Variants in TMED8 observed in about 807,000 individuals in gnomAD.
TMED8 encodes the protein transmembrane p24 trafficking protein family member 8, also known as protein TMED8.
Under a neutral mutation model 32.7 loss-of-function variants are expected in TMED8, and 15 were observed. The observed-to-expected ratio is 0.46, with a 90% confidence interval of 0.31 to 0.71. The LOEUF (loss-of-function observed/expected upper bound fraction) is 0.71. Ranked by LOEUF, TMED8 falls within the 30% of genes least tolerant of loss-of-function variation. The probability of loss-of-function intolerance (pLI) is 0.06; values close to 1 mark genes in which losing one functional copy is unlikely to be tolerated. For synonymous variants in TMED8, 147 were observed against 161.4 expected (o/e 0.91, Z 0.68); for missense variants, 390 against 423.9 (o/e 0.92, Z 0.70).
At chr14:77,367,271 T>C (rs1182730477) in intron 1 of TMED8, among the ~76,000 whole-genome samples, 1 of 150,690 alleles carries the variant, frequency 6.6e-6, no homozygotes, top group Non-Finnish European at 1.5e-5. Context: ...AAAAAAACTT[T>C]TTAAATCTTT....
chr14:77,351,593 A>T, intron 2 of TMED8, 80 bp downstream of exon 2: 2 of 1,337,754 alleles, frequency 1.5e-6, no homozygotes, highest in Non-Finnish European at 2.1e-6. Context: ...CTCCCCGCTT[A>T]AAGTCACTAC....
chr14:77,343,141 G>C, intron 5 of TMED8, 37 bp downstream of exon 5: 1 of 1,593,154 alleles, frequency 6.3e-7, no homozygotes, highest in Non-Finnish European at 8.5e-7. Flanking sequence ...ATCAGATTAA[G>C]CCAGAAAACT....
chr14:77,372,907 TATA>T (rs1490456686), intron 1 of TMED8, among the ~76,000 whole-genome samples: 1,205 of 41,736 alleles, frequency 0.029, 80 homozygotes, highest in East Asian at 0.048. Flanking sequence ...CCACAGATAT[TATA>T]TATATATATA....
intron 1 of TMED8, among the ~76,000 whole-genome samples, chr14:77,374,814 A>C (rs549141879): frequency 6.6e-6 from 1 of 152,362 alleles, no homozygotes; most frequent in African/African-American, 2.4e-5. Context: ...AATGTTTTGA[A>C]TTGTTAATTG....
rs1892808509 is a variant in TMED8, at chr14:77,338,107, C to T, written c.*3664G>A. On this transcript the variant is annotated 3_prime_UTR_variant, in exon 6 of 6. Coordinates refer to ENST00000216468, the MANE Select transcript of TMED8 (RefSeq NM_213601.3). ...TTGGAATTTAAATACAACTGACCAG[C>T]ATTAACATTAAAACAGAGATCTTAA... is the stretch of plus-strand genomic sequence containing the variant. 1 of 152,066 alleles carries T rather than the reference C, an allele frequency of 6.6e-6. No homozygotes were observed. The highest frequency in any genetic ancestry group is 2.4e-5 in the African/African-American group (1 of 41,384). 9.4% of individuals were successfully genotyped at this position (152,066 alleles called of 1,614,324 possible).
intron 3 of TMED8, among the ~76,000 whole-genome samples, chr14:77,344,785 G>A (rs113526393): frequency 2.1e-4 from 32 of 152,298 alleles, no homozygotes; most frequent in African/African-American, 7.7e-4. Context: ...CTCCCAGGCT[G>A]TATTCTCATA....
intron 2 of TMED8, among the ~76,000 whole-genome samples, chr14:77,350,262 A>G (rs1464742959): frequency 1.3e-5 from 2 of 152,170 alleles, no homozygotes; most frequent in Non-Finnish European, 2.9e-5. Context: ...GTTGACGGCA[A>G]CTTAAGAGTC....
chr14:77,344,448 G>A (rs1487338057), intron 3 of TMED8, among the ~76,000 whole-genome samples: 1 of 152,172 alleles, frequency 6.6e-6, no homozygotes, highest in East Asian at 1.9e-4. Flanking sequence ...ACCAGCCCCA[G>A]GACTTGCATT....
chr14:77,348,246 CG>C (rs1893094903), intron 2 of TMED8, among the ~76,000 whole-genome samples: 2 of 144,676 alleles, frequency 1.4e-5, no homozygotes, highest in Admixed American at 1.4e-4. Flanking sequence ...TTTTTTGAGA[CG>C]GAGTCTCACT....
Position 77,343,811 on chromosome 14 carries a change from G to T in TMED8, c.340C>A (p.Gln114Lys). Residue 114 changes from glutamine to lysine, a missense_variant, in exon 4 of 6, where the codon CAA becomes AAA. Transcript: ENST00000216468. ...AQVLNEMAKY[Q>K]VPQRSGDIVM... ...ATGTCCCCAGACCTCTGTGGAACTT[G>T]ATACTTAGCCATCTGCACAACAGAA... 1.9e-6 allele frequency: 3 copies of T among 1,613,520 alleles called. No homozygotes were observed. In the South Asian group the frequency reaches 3.3e-5, roughly 18 times the overall value.
In TMED8 at chr14:77,377,055, T is replaced by C. The variant is rs1345721049; in HGVS notation, c.-2A>G. 2.2e-6 allele frequency: 3 copies of C among 1,363,144 alleles called. No homozygotes were observed. Among genetic ancestry groups the C allele is most frequent in the Non-Finnish European group, 9.4e-7 (1 of 1,063,398 alleles). 84.4% of individuals were successfully genotyped at this position (1,363,144 alleles called of 1,614,324 possible). On this transcript the variant is annotated 5_prime_UTR_variant, in exon 1 of 6. Transcript: ENST00000216468. ...CTCAGCCGCCTGCAGGTCAGACATC[T>C]GCAGCCCGCGCACGGAGCTCTCCGC...
intron 1 of TMED8, among the ~76,000 whole-genome samples, chr14:77,370,091 G>A (rs1204147657): frequency 6.6e-6 from 1 of 150,930 alleles, no homozygotes; most frequent in East Asian, 2.0e-4. Context: ...AGAATCGCTT[G>A]AACCCAGAAG....
intron 1 of TMED8, among the ~76,000 whole-genome samples, chr14:77,355,900 C>T (rs1177204879): frequency 1.3e-5 from 2 of 152,166 alleles, no homozygotes; most frequent in Non-Finnish European, 2.9e-5. Flanking sequence ...CTGTGGAGAA[C>T]TTTGTCAGTT....
intron 2 of TMED8, among the ~76,000 whole-genome samples, chr14:77,349,187 G>T (rs187085458): frequency 7.1e-6 from 1 of 140,260 alleles, no homozygotes; most frequent in Non-Finnish European, 1.5e-5. Flanking sequence ...CTCGGATCTC[G>T]GCTCACTGCA....
chr14:77,343,059 G>T, intron 5 of TMED8, 119 bp downstream of exon 5: 2 of 1,007,518 alleles, frequency 2.0e-6, no homozygotes, highest in Non-Finnish European at 2.9e-6. Context: ...AGCTTAGCTT[G>T]TAATGCTGAG....
At chr14:77,363,761 T>C (rs1594851666) in intron 1 of TMED8, among the ~76,000 whole-genome samples, 1 of 151,992 alleles carries the variant, frequency 6.6e-6, no homozygotes, top group African/African-American at 2.4e-5. Flanking sequence ...GGCTCAAGCA[T>C]TCCTCCTGCC....
intron 1 of TMED8, among the ~76,000 whole-genome samples, chr14:77,363,225 T>G (rs1192979932): frequency 6.6e-6 from 1 of 152,152 alleles, no homozygotes; most frequent in African/African-American, 2.4e-5. Flanking sequence ...AAACAAGTCT[T>G]AACAAATTTA....
In TMED8 at chr14:77,377,011, G is replaced by A; in HGVS notation, c.43C>T (p.Pro15Ser). The A allele has an allele frequency of 2.9e-5, 41 of 1,413,634 alleles. No individual in the cohort carries two copies. Among genetic ancestry groups the A allele is most frequent in the Non-Finnish European group, 3.7e-5 (40 of 1,093,724 alleles). The allele number at this position is 1,413,634 out of a possible 1,614,324, so 87.6% of individuals were successfully genotyped here. A position where few individuals can be genotyped will look rare whatever the true frequency, so the allele number is the denominator to read the frequency against. ...CCAGCCGACCCTGGGCGGGCTGTGG[G>A]GCTCCAGGAGCCCGGCCCCTCAGCC... ...QAAEGPGSWS[P>S]TARPGSAGGV... is the part of the protein sequence containing the mutation. Residue 15 changes from proline (P) to serine (S), a missense_variant, in exon 1 of 6, where the codon CCC becomes TCC. Pro to Ser is a moderately conservative substitution (Grantham distance 74, BLOSUM62 -1). Transcript: ENST00000216468.
chr14:77,339,970 T>C lies in TMED8; in HGVS notation c.*1801A>G, dbSNP rs1892855485. 1 of 79,646 alleles carries C rather than the reference T, an allele frequency of 1.3e-5. No homozygotes were observed. The highest frequency in any genetic ancestry group is 2.4e-5 in the Non-Finnish European group (1 of 40,880). 4.9% of individuals were successfully genotyped at this position (79,646 alleles called of 1,614,324 possible). Reference sequence around the variant, plus strand: ...TGCTACTGTAGGGATAGACCCTTGGTGTGAGGAATCTAACAATGAGTCAAA... The same window carrying C: ...TGCTACTGTAGGGATAGACCCTTGGCGTGAGGAATCTAACAATGAGTCAAA... On this transcript the variant is annotated 3_prime_UTR_variant, in exon 6 of 6. Coordinates refer to ENST00000216468, the MANE Select transcript of TMED8 (RefSeq NM_213601.3).
Sources: allele counts gnomAD v4.1 joint callset (sites outside exome capture counted in the v4.1 genomes callset), GRCh38; gene constraint gnomAD v4.1.1; transcripts MANE v1.5; gene names NCBI Gene and HGNC (gene_info 2026-07-23, HGNC 2026-07-21).